The following PHIP variants were observed in gnomAD, a reference collection of about 807,000 sequenced individuals.
PHIP encodes PH-interacting protein.
Under a neutral mutation model 236.8 loss-of-function variants are expected in PHIP, and 54 were observed. That is an observed-to-expected ratio of 0.23 (90% confidence interval 0.18 to 0.29). The LOEUF (loss-of-function observed/expected upper bound fraction) is 0.29, where lower values mean the gene tolerates loss of function less well. Among genes scored for constraint, PHIP ranks in the 10% least tolerant of loss-of-function variants. The probability of loss-of-function intolerance (pLI) is 1.00; values close to 1 mark genes in which losing one functional copy is unlikely to be tolerated. For synonymous variants in PHIP, 756 were observed against 718.9 expected (o/e 1.05, Z -0.83); for missense variants, 1,370 against 2,190.8 (o/e 0.63, Z 7.48).
intron 7 of PHIP, among the ~76,000 whole-genome samples, chr6:79,031,683 G>A (rs1203804731): frequency 6.6e-6 from 1 of 152,116 alleles, no homozygotes; most frequent in Admixed American, 6.5e-5. Context: ...ACACACTTCT[G>A]CACTTTAGGA....
At chr6:79,009,113 A>AT (rs1364815465) in intron 15 of PHIP, among the ~76,000 whole-genome samples, 4 of 151,968 alleles carry the variant, frequency 2.6e-5, no homozygotes, top group African/African-American at 9.7e-5. Context: ...CAACCAAACT[A>AT]TTTTTCTCTT....
intron 26 of PHIP, 32 bp downstream of exon 26, chr6:78,970,017 A>T: frequency 6.2e-7 from 1 of 1,609,918 alleles, no homozygotes; most frequent in Non-Finnish European, 8.5e-7. Flanking sequence ...TACAATACTA[A>T]GAAAACCATT....
chr6:79,017,204 C>A (rs756020024), intron 12 of PHIP, 142 bp downstream of exon 12: 6 of 544,468 alleles, frequency 1.1e-5, no homozygotes, highest in Non-Finnish European at 2.0e-5. Flanking sequence ...CATGTGAAGG[C>A]TATATTCACT....
intron 7 of PHIP, among the ~76,000 whole-genome samples, chr6:79,039,087 G>A (rs1772081609): frequency 6.6e-6 from 1 of 152,082 alleles, no homozygotes; most frequent in Non-Finnish European, 1.5e-5. Context: ...TGTATATAGA[G>A]TTAGTTTGAA....
chr6:79,056,134 G>C (rs1346923135), intron 6 of PHIP, among the ~76,000 whole-genome samples: 4 of 152,170 alleles, frequency 2.6e-5, no homozygotes, highest in Admixed American at 1.3e-4. Context: ...CAGTATAGTA[G>C]AGGAAACAAA....
intron 10 of PHIP, 64 bp from the exon 11 acceptor site, chr6:79,017,647 T>C: frequency 1.7e-6 from 2 of 1,177,056 alleles, no homozygotes; most frequent in Non-Finnish European, 2.5e-6. Context: ...GAAAATTAGA[T>C]AATAAAATGT....
chr6:79,047,006 G>A (rs1344008559), intron 6 of PHIP, among the ~76,000 whole-genome samples: 2 of 151,880 alleles, frequency 1.3e-5, no homozygotes, highest in Non-Finnish European at 2.9e-5. Flanking sequence ...AATTTAATTG[G>A]GAAATAAGGG....
chr6:79,044,350 T>C (rs749431426), intron 6 of PHIP, among the ~76,000 whole-genome samples: 14 of 152,156 alleles, frequency 9.2e-5, no homozygotes, highest in Non-Finnish European at 1.6e-4. Flanking sequence ...TAGGCTTAAG[T>C]TGGTTATATA....
At chr6:79,019,711 A>G (rs1477271762) in intron 9 of PHIP, among the ~76,000 whole-genome samples, 1 of 152,030 alleles carries the variant, frequency 6.6e-6, no homozygotes, top group African/African-American at 2.4e-5. Context: ...AGATACTTTG[A>G]CTCTTACGTC....
rs762549805 is a variant in PHIP at position 78,945,493 on chromosome 6, T to C, written c.4635A>G (p.Leu1545=). The C allele has an allele frequency of 1.9e-6, 3 of 1,588,712 alleles. No homozygotes were observed. In the African/African-American group the frequency reaches 4.0e-5, roughly 21 times the overall value. ...NASAIPGKTI[L]ENSVKHSKAL... is the part of the protein sequence containing the mutation. ...CTTTGGAATGTTTCACAGAATTCTC[T>C]AGTACTAAAACATACAAACAAAATT... The change falls in exon 39 of 40, where the codon CTA becomes CTG. Residue 1545 remains leucine, a synonymous_variant. Transcript: ENST00000275034.
chr6:78,956,461 C>T (rs899114990), intron 32 of PHIP: 5 of 152,106 alleles, frequency 3.3e-5, no homozygotes, highest in African/African-American at 9.7e-5. Context: ...AAATTAGACA[C>T]TGCAGTCAAA....
At chr6:78,991,747 C>T (rs1280852967) in intron 19 of PHIP, among the ~76,000 whole-genome samples, 3 of 151,796 alleles carry the variant, frequency 2.0e-5, no homozygotes, top group Non-Finnish European at 4.4e-5. Context: ...TGTTACTTAA[C>T]GGCACAATCT....
rs575198032 is a variant in PHIP, at chr6:78,963,493, TG to T, written c.3380-242del. On this transcript the variant is annotated intron_variant, in intron 29 of 39. Transcript: ENST00000275034. ...TTCTCCAAAATTATACCTGAAAATC[TG>T]CTCTGTAATCAAGTACATGTGCAGA... is the stretch of plus-strand genomic sequence containing the variant. 6.7e-3 allele frequency among the ~76,000 whole-genome samples: 1,020 copies of T among 152,298 alleles called. 9 individuals are homozygous for T. Among genetic ancestry groups the T allele is most frequent in the Non-Finnish European group, 0.011 (750 of 68,004 alleles).
intron 6 of PHIP, among the ~76,000 whole-genome samples, chr6:79,051,856 A>C (rs571479588): frequency 2.0e-5 from 3 of 152,314 alleles, no homozygotes; most frequent in East Asian, 3.9e-4. Context: ...ATATTTTAAA[A>C]TGTTTACAGT....
chr6:79,019,245 A>C, intron 9 of PHIP, 86 bp from the exon 10 acceptor site: 1 of 976,080 alleles, frequency 1.0e-6, no homozygotes, highest in Non-Finnish European at 1.6e-6. Context: ...TAATCCCAGA[A>C]GGACAAAATT....
chr6:79,059,595 A>ATT (rs1359206900), intron 6 of PHIP, among the ~76,000 whole-genome samples: 8 of 59,936 alleles, frequency 1.3e-4, no homozygotes, highest in Non-Finnish European at 2.8e-4. Context: ...GCAAAATTAT[A>ATT]TATATATATA....
chr6:79,053,230 C>T (rs1772892462), intron 6 of PHIP, among the ~76,000 whole-genome samples: 1 of 152,124 alleles, frequency 6.6e-6, no homozygotes, highest in South Asian at 2.1e-4. Flanking sequence ...AGGAGAATGG[C>T]TTGAACCTGG....
At chr6:79,005,771 T>C (rs1180878820) in intron 15 of PHIP, among the ~76,000 whole-genome samples, 2 of 152,034 alleles carry the variant, frequency 1.3e-5, no homozygotes, top group Admixed American at 1.3e-4. Flanking sequence ...TTCCTAAGCA[T>C]GGTATCCTTC....
At chr6:79,068,478 T>C (rs887321346) in intron 4 of PHIP, among the ~76,000 whole-genome samples, 3 of 151,858 alleles carry the variant, frequency 2.0e-5, no homozygotes, top group Admixed American at 1.3e-4. Flanking sequence ...CAAAGCGAAA[T>C]AAACAAAAAA....
Sources: gnomAD v4.1 joint callset for allele counts (sites outside exome capture counted in the v4.1 genomes callset) on GRCh38, gnomAD v4.1.1 for gene constraint, MANE v1.5 for transcripts, NCBI Gene and HGNC (gene_info 2026-07-23, HGNC 2026-07-21) for gene names.